The following FRMD6 variants were observed in gnomAD, a reference collection of about 807,000 sequenced individuals.
The protein encoded by FRMD6 is FERM domain containing 6.
Under a neutral mutation model 73.2 loss-of-function variants are expected in FRMD6, and 37 were observed. That is an observed-to-expected ratio of 0.51 (90% confidence interval 0.39 to 0.66). The LOEUF (loss-of-function observed/expected upper bound fraction) is 0.66. Ranked by LOEUF, FRMD6 falls within the 30% of genes least tolerant of loss-of-function variation. The pLI is 0.00. For missense variants in FRMD6, 714 were observed against 780.5 expected (o/e 0.91, Z 1.02); for synonymous variants, 273 against 282.2 (o/e 0.97, Z 0.33).
At chr14:51,475,295 C>G in the FRMD6 span, among the ~76,000 whole-genome samples, 1 of 152,166 alleles carries the variant, frequency 6.6e-6, no homozygotes, top group Admixed American at 6.5e-5. Flanking sequence ...TCACCTAGCT[C>G]CTGATTAGAT....
At chr14:51,458,840 G>A in the FRMD6 span, among the ~76,000 whole-genome samples, 2 of 152,070 alleles carry the variant, frequency 1.3e-5, no homozygotes, top group African/African-American at 4.8e-5. Context: ...GCTGTGTAGA[G>A]GGCTGGTGAT....
chr14:51,493,406 G>A (rs1296806306), intron 1 of FRMD6, among the ~76,000 whole-genome samples: 1 of 152,134 alleles, frequency 6.6e-6, no homozygotes, highest in African/African-American at 2.4e-5. Context: ...GAATCATGAG[G>A]GTGGGTATTT....
intron 1 of FRMD6, among the ~76,000 whole-genome samples, chr14:51,525,725 A>G (rs1422874591): frequency 6.6e-6 from 1 of 152,018 alleles, no homozygotes; most frequent in Non-Finnish European, 1.5e-5. Context: ...TGACCTTACT[A>G]CTTTCAACTC....
chr14:51,461,634 G>A, the FRMD6 span, among the ~76,000 whole-genome samples: 1 of 152,164 alleles, frequency 6.6e-6, no homozygotes, highest in East Asian at 1.9e-4. Flanking sequence ...TCAGAGAAAG[G>A]CCTCATCCAT....
At chr14:51,659,287 A>AAATGG (rs1289725992) in intron 1 of FRMD6, among the ~76,000 whole-genome samples, 2 of 152,238 alleles carry the variant, frequency 1.3e-5, no homozygotes, top group Non-Finnish European at 2.9e-5. Context: ...CGTGTAAAAC[A>AAATGG]AATGGCATGG....
At chr14:51,701,978 C>T (rs1195974464) in intron 4 of FRMD6, among the ~76,000 whole-genome samples, 2 of 151,846 alleles carry the variant, frequency 1.3e-5, no homozygotes, top group African/African-American at 4.8e-5. Flanking sequence ...CAGAACCTCC[C>T]TAGTAAGTCA....
intron 2 of FRMD6, among the ~76,000 whole-genome samples, chr14:51,610,329 CTT>C (rs141213133): frequency 3.1e-4 from 43 of 138,654 alleles, no homozygotes; most frequent in Non-Finnish European, 5.2e-4. Context: ...TTTTTAATCC[CTT>C]TTTTTTTAAA....
chr14:51,578,683 A>G (rs1314847860), intron 2 of FRMD6, among the ~76,000 whole-genome samples: 1 of 152,348 alleles, frequency 6.6e-6, no homozygotes, highest in African/African-American at 2.4e-5. Flanking sequence ...ACTTTCAGAC[A>G]CATGATCTGT....
At chr14:51,445,217 T>C in the FRMD6 span, among the ~76,000 whole-genome samples, 1 of 152,074 alleles carries the variant, frequency 6.6e-6, no homozygotes, top group Non-Finnish European at 1.5e-5. Context: ...ATCTCATTGT[T>C]CTATCCTGGT....
chr14:51,434,985 G>A, the FRMD6 span, among the ~76,000 whole-genome samples: 1 of 152,072 alleles, frequency 6.6e-6, no homozygotes, highest in East Asian at 1.9e-4. Flanking sequence ...TCACTGTTGT[G>A]GGAGACAAAA....
the FRMD6 span, among the ~76,000 whole-genome samples, chr14:51,432,914 G>A: frequency 3.9e-5 from 6 of 152,134 alleles, no homozygotes; most frequent in African/African-American, 1.2e-4. Context: ...CTTTGCTTTC[G>A]TGAGCAGACA....
intron 2 of FRMD6, among the ~76,000 whole-genome samples, chr14:51,641,280 C>T (rs1325220513): frequency 6.6e-6 from 1 of 152,186 alleles, no homozygotes; most frequent in African/African-American, 2.4e-5. Flanking sequence ...CATGCCCTGC[C>T]TATTCTCCTC....
intron 2 of FRMD6, among the ~76,000 whole-genome samples, chr14:51,694,298 T>G (rs1326494430): frequency 6.6e-6 from 1 of 152,240 alleles, no homozygotes; most frequent in Non-Finnish European, 1.5e-5. Context: ...ATGTCTTCAC[T>G]AAGATTAAGC....
intron 1 of FRMD6, among the ~76,000 whole-genome samples, chr14:51,526,700 C>T (rs1054774825): frequency 1.3e-5 from 2 of 152,172 alleles, no homozygotes; most frequent in Non-Finnish European, 2.9e-5. Context: ...TTATATTATC[C>T]TACATTCTCC....
At chr14:51,542,441 T>C (rs541648237) in intron 1 of FRMD6, among the ~76,000 whole-genome samples, 1 of 152,212 alleles carries the variant, frequency 6.6e-6, no homozygotes, top group Admixed American at 6.5e-5. Flanking sequence ...GATTCATCCA[T>C]TTGTATCATA....
chr14:51,441,138 A>T, the FRMD6 span, among the ~76,000 whole-genome samples: 1 of 152,224 alleles, frequency 6.6e-6, no homozygotes, highest in Non-Finnish European at 1.5e-5. Context: ...CTATAAACCC[A>T]ACCTCCACTG....
At chr14:51,489,716 G>T (rs1882884351) in intron 1 of FRMD6, among the ~76,000 whole-genome samples, 1 of 152,176 alleles carries the variant, frequency 6.6e-6, no homozygotes, top group Non-Finnish European at 1.5e-5. Flanking sequence ...TGTGCTTTCT[G>T]TACTTTTGCT....
chr14:51,664,560 C>G (rs1000407974), intron 1 of FRMD6, among the ~76,000 whole-genome samples: 1 of 152,182 alleles, frequency 6.6e-6, no homozygotes, highest in Non-Finnish European at 1.5e-5. Context: ...AACTTTGTTA[C>G]ATATATTTTA....
At chr14:51,525,330 G>A (rs773858537) in intron 1 of FRMD6, among the ~76,000 whole-genome samples, 7 of 151,862 alleles carry the variant, frequency 4.6e-5, no homozygotes, top group African/African-American at 9.7e-5. Flanking sequence ...GTGCAGTAGC[G>A]AGGTCTCTGC....
Sources: allele counts gnomAD v4.1 joint callset (sites outside exome capture counted in the v4.1 genomes callset), GRCh38; gene constraint gnomAD v4.1.1; transcripts MANE v1.5; gene names NCBI Gene and HGNC (gene_info 2026-07-23, HGNC 2026-07-21).